Variants in BAZ2B observed in about 807,000 individuals in gnomAD.
The protein encoded by BAZ2B is bromodomain adjacent to zinc finger domain protein 2B.
In BAZ2B, 91 loss-of-function variants were observed where a neutral mutation model predicts 246.0. The ratio of observed to expected loss-of-function variants is 0.37; its 90% CI spans 0.31 to 0.44. The LOEUF is 0.44. Among genes scored for constraint, BAZ2B ranks in the 20% least tolerant of loss-of-function variants. The pLI, the probability that BAZ2B is intolerant of heterozygous loss-of-function variation, is 1.00. For missense variants in BAZ2B, 2,332 were observed against 2,533.7 expected, an observed-to-expected ratio of 0.92 and a Z score of 1.71; for synonymous variants, 855 against 860.0, an observed-to-expected ratio of 0.99 and a Z score of 0.10.
rs991973729 is a variant in BAZ2B, at chr2:159,429,218, C to A, written c.2237G>T (p.Arg746Leu). The change falls in exon 11 of 37, where the codon CGT becomes CTT. Residue 746 changes from arginine (R) to leucine (L), a missense_variant. Physicochemically the swap from Arg to Leu is moderately radical, Grantham distance 102. Coordinates refer to ENST00000392783, the MANE Select transcript of BAZ2B (RefSeq NM_013450.4). ...RRRVTDEREL[R>L]IPLEYGWQRE... ...TGCATACCCATATTCCAATGGAATA[C>A]GCAGTTCACGTTCATCTGTTACTCT... 1.9e-6 allele frequency: 3 copies of A among 1,559,394 alleles called. No homozygotes were observed. The highest frequency in any genetic ancestry group is 2.6e-6 in the Non-Finnish European group (3 of 1,148,146).
In BAZ2B at chr2:159,383,492, T is replaced by G. The variant is rs2062250290; in HGVS notation, c.3761+114A>C. On this transcript the variant is annotated intron_variant, in intron 24 of 36. Coordinates refer to ENST00000392783, the MANE Select transcript of BAZ2B (RefSeq NM_013450.4). ...TTTTATATCCCATCTAAATTGAGCA[T>G]TATCTTTTCTTTAGACAATAAAAGT... The G allele has an allele frequency of 3.1e-5, 28 of 916,564 alleles. No homozygotes were observed. In the South Asian group the frequency reaches 4.3e-4, roughly 14 times the overall value. The allele number at this position is 916,564 out of a possible 1,614,324, so 56.8% of individuals were successfully genotyped here.
At chr2:159,344,686 A>T (rs1039739216) in intron 31 of BAZ2B, among the ~76,000 whole-genome samples, 11 of 152,226 alleles carry the variant, frequency 7.2e-5, no homozygotes, top group Admixed American at 5.9e-4. Flanking sequence ...AATGCTATAC[A>T]ACCATAAAAA....
intron 2 of BAZ2B, among the ~76,000 whole-genome samples, chr2:159,534,238 T>C (rs1489580575): frequency 6.6e-6 from 1 of 152,218 alleles, no homozygotes; most frequent in Non-Finnish European, 1.5e-5. Flanking sequence ...CACAGGTATA[T>C]GTTCTGAGAA....
chr2:159,555,685 T>C (rs1477190970), intron 2 of BAZ2B, 138 bp downstream of exon 2: 2 of 137,704 alleles, frequency 1.5e-5, no homozygotes, highest in South Asian at 2.4e-4. Context: ...GTATAAGATA[T>C]GATTCATTTA....
At chr2:159,618,909 A>G (rs1433815921), upstream of BAZ2B, among the ~76,000 whole-genome samples, 1 of 152,154 alleles carries the variant, frequency 6.6e-6, no homozygotes, top group Non-Finnish European at 1.5e-5. Context: ...ACTGCAAAGC[A>G]TGGTTCAATT....
At chr2:159,415,315 T>C (rs972082647) in intron 13 of BAZ2B, among the ~76,000 whole-genome samples, 1 of 151,798 alleles carries the variant, frequency 6.6e-6, no homozygotes, top group Non-Finnish European at 1.5e-5. Context: ...CGTGGTGGTG[T>C]GCACCTGTAG....
the BAZ2B span, among the ~76,000 whole-genome samples, chr2:159,652,793 G>T: frequency 1.3e-5 from 2 of 149,318 alleles, no homozygotes; most frequent in Admixed American, 6.7e-5. Flanking sequence ...AATTTTTTTG[G>T]TTTTTGTAGA....
chr2:159,523,230 G>A (rs1157607565), intron 2 of BAZ2B, among the ~76,000 whole-genome samples: 1 of 152,024 alleles, frequency 6.6e-6, no homozygotes, highest in Admixed American at 6.6e-5. Context: ...GTGAGACCTG[G>A]TCTCTACAAA....
chr2:159,609,076 A>G (rs919157904), intron 1 of BAZ2B, among the ~76,000 whole-genome samples: 10 of 152,220 alleles, frequency 6.6e-5, no homozygotes, highest in African/African-American at 2.2e-4. Context: ...AGGAGAGCTG[A>G]AATAGCATTT....
At chr2:159,504,762 G>A (rs905737042) in intron 2 of BAZ2B, among the ~76,000 whole-genome samples, 4 of 152,082 alleles carry the variant, frequency 2.6e-5, no homozygotes, top group African/African-American at 4.8e-5. Flanking sequence ...AAGGCAAATA[G>A]GGTTCTACTC....
At chr2:159,561,994 C>G (rs1337993724) in intron 1 of BAZ2B, among the ~76,000 whole-genome samples, 1 of 152,178 alleles carries the variant, frequency 6.6e-6, no homozygotes, top group East Asian at 1.9e-4. Flanking sequence ...TATTTAAAAG[C>G]TGCAATTTGC....
intron 2 of BAZ2B, among the ~76,000 whole-genome samples, chr2:159,511,431 C>T (rs2082911252): frequency 6.6e-6 from 1 of 152,130 alleles, no homozygotes; most frequent in Non-Finnish European, 1.5e-5. Flanking sequence ...GTCTCAAACT[C>T]CTGAACTTAG....
chr2:159,337,001 CT>C lies in BAZ2B; in HGVS notation c.5736del (p.Ala1913LeufsTer11). On this transcript the variant is annotated frameshift_variant, in exon 33 of 37. Coordinates refer to ENST00000392783, the MANE Select transcript of BAZ2B (RefSeq NM_013450.4). LOFTEE classifies it high-confidence loss of function. ...ALSEARSAAQ[V>X]ALCIQQLQKS... ...TTCTGTAATTGCTGAATGCACAGAG[CT>C]ACCTGTGCAGCACTGCGAGCTTCTG... 1 of 1,609,078 alleles carries C rather than the reference CT, an allele frequency of 6.2e-7. No individual in the cohort carries two copies. The highest frequency in any genetic ancestry group is 8.5e-7 in the Non-Finnish European group (1 of 1,175,514).
the BAZ2B span, among the ~76,000 whole-genome samples, chr2:159,653,840 T>C: frequency 2.0e-5 from 3 of 152,196 alleles, no homozygotes; most frequent in South Asian, 6.2e-4. Context: ...AATGTGCTTG[T>C]ATCTTACAAT....
the BAZ2B span, among the ~76,000 whole-genome samples, chr2:159,663,551 G>A: frequency 6.9e-6 from 1 of 144,904 alleles, no homozygotes; most frequent in African/African-American, 2.6e-5. Context: ...GTCACACTCT[G>A]TCACCCAGGC....
the BAZ2B span, among the ~76,000 whole-genome samples, chr2:159,654,311 G>C: frequency 6.6e-6 from 1 of 152,154 alleles, no homozygotes; most frequent in Non-Finnish European, 1.5e-5. Flanking sequence ...AACACATAAA[G>C]AAGCAGGAGC....
intron 34 of BAZ2B, among the ~76,000 whole-genome samples, chr2:159,330,698 A>AT (rs1301223604): frequency 1.5e-5 from 2 of 134,800 alleles, no homozygotes; most frequent in African/African-American, 6.0e-5. Flanking sequence ...TCTCTACAAA[A>AT]TTAAAAAAAA....
At position 159,476,025 on chromosome 2, in the gene BAZ2B, C is replaced by T. The variant is rs530551554; in HGVS notation, c.145+2550G>A. On this transcript the variant is annotated intron_variant, in intron 3 of 36. Transcript: ENST00000392783. ...AGTCAGGATACACGGGGGTCAGGGA[C>T]CCACTTGAGGAGGTAATCTGTCCCT... Among the ~76,000 whole-genome samples, 112 of 152,262 alleles carry T rather than the reference C, an allele frequency of 7.4e-4. 1 individual carries two copies. Among genetic ancestry groups the T allele is most frequent in the African/African-American group, 2.6e-3 (106 of 41,550 alleles).
At chr2:159,342,929 T>G (rs2067003299) in intron 31 of BAZ2B, among the ~76,000 whole-genome samples, 1 of 152,192 alleles carries the variant, frequency 6.6e-6, no homozygotes, top group African/African-American at 2.4e-5. Context: ...TTAAACTTTG[T>G]GTGGAATTAC....
Sources: gnomAD v4.1 joint callset for allele counts (sites outside exome capture counted in the v4.1 genomes callset) on GRCh38, gnomAD v4.1.1 for gene constraint, MANE v1.5 for transcripts, NCBI Gene and HGNC (gene_info 2026-07-23, HGNC 2026-07-21) for gene names.